The following SPAG16 variants were observed in gnomAD, a reference collection of about 807,000 sequenced individuals.
SPAG16 encodes the protein sperm associated antigen 16.
SPAG16 carries 86 observed loss-of-function variants against 80.4 expected under a neutral mutation model. The ratio of observed to expected loss-of-function variants is 1.07; its 90% CI spans 0.90 to 1.28. The LOEUF (loss-of-function observed/expected upper bound fraction) is 1.28, where lower values mean the gene tolerates loss of function less well. Ranked by LOEUF, SPAG16 falls within the 50% of genes most tolerant of loss-of-function variation. SPAG16 has a pLI of 0.00. For synonymous variants in SPAG16, 294 were observed against 265.9 expected (o/e 1.11, Z -1.03); for missense variants, 870 against 765.3 (o/e 1.14, Z -1.61).
chr2:213,930,221 T>G (rs1457759930), intron 12 of SPAG16, 76 bp downstream of exon 12: 2 of 1,171,386 alleles, frequency 1.7e-6, no homozygotes, highest in Admixed American at 5.7e-5. Context: ...GTTCTTTTTT[T>G]TTTTTCCTTG....
At chr2:213,942,184 A>G (rs930422670) in intron 12 of SPAG16, among the ~76,000 whole-genome samples, 1 of 152,108 alleles carries the variant, frequency 6.6e-6, no homozygotes, top group Non-Finnish European at 1.5e-5. Context: ...GGTTAAACCT[A>G]ATTCTCTGCC....
intron 10 of SPAG16, among the ~76,000 whole-genome samples, chr2:213,763,792 C>T (rs1365306367): frequency 6.6e-6 from 1 of 152,166 alleles, no homozygotes; most frequent in Non-Finnish European, 1.5e-5. Context: ...GGATGACCGT[C>T]TTGCTCTCAT....
At chr2:213,395,767 A>T (rs975469886) in intron 9 of SPAG16, among the ~76,000 whole-genome samples, 6 of 151,862 alleles carry the variant, frequency 4.0e-5, no homozygotes, top group Non-Finnish European at 8.8e-5. Flanking sequence ...TTTAGTTACC[A>T]GGGAAGAATG....
chr2:213,292,341 T>C (rs1031970181), intron 1 of SPAG16, among the ~76,000 whole-genome samples: 1 of 152,186 alleles, frequency 6.6e-6, no homozygotes, highest in African/African-American at 2.4e-5. Flanking sequence ...TTCCTCTAGC[T>C]GAACCTTCGG....
intron 15 of SPAG16, among the ~76,000 whole-genome samples, chr2:214,375,834 C>T (rs1008423335): frequency 2.8e-4 from 42 of 152,106 alleles, no homozygotes; most frequent in African/African-American, 9.9e-4. Context: ...ACAGTGGTTA[C>T]CTCTGGAATG....
chr2:213,916,317 C>T (rs1381180075), intron 11 of SPAG16, among the ~76,000 whole-genome samples: 1 of 152,158 alleles, frequency 6.6e-6, no homozygotes, highest in Non-Finnish European at 1.5e-5. Flanking sequence ...GATCCAGTTT[C>T]ACTTCTCTGC....
At chr2:213,540,028 A>AGTTTTTTTT (rs1559234806) in intron 10 of SPAG16, among the ~76,000 whole-genome samples, 1 of 130,520 alleles carries the variant, frequency 7.7e-6, no homozygotes, top group African/African-American at 2.7e-5. Context: ...TATATTTCTT[A>AGTTTTTTTT]ATTTTTTTTT....
intron 9 of SPAG16, among the ~76,000 whole-genome samples, chr2:213,412,539 A>G (rs2069033119): frequency 6.6e-6 from 1 of 152,246 alleles, no homozygotes; most frequent in Admixed American, 6.5e-5. Context: ...GTTGGTCCTC[A>G]ATAAATCCTA....
intron 15 of SPAG16, among the ~76,000 whole-genome samples, chr2:214,381,544 T>G (rs758196835): frequency 1.2e-4 from 19 of 152,210 alleles, no homozygotes; most frequent in Non-Finnish European, 2.8e-4. Context: ...TTTGGCAAAG[T>G]TTGGAATATA....
intron 10 of SPAG16, among the ~76,000 whole-genome samples, chr2:213,648,601 C>T (rs1165592263): frequency 2.0e-5 from 3 of 151,962 alleles, no homozygotes; most frequent in Admixed American, 1.3e-4. Flanking sequence ...CACAGACACA[C>T]ACACACACAC....
intron 12 of SPAG16, among the ~76,000 whole-genome samples, chr2:213,959,009 G>A (rs1298173166): frequency 1.3e-5 from 2 of 152,114 alleles, no homozygotes; most frequent in Non-Finnish European, 2.9e-5. Context: ...ATTTTGAAGG[G>A]TATTTTTGGG....
intron 6 of SPAG16, among the ~76,000 whole-genome samples, chr2:213,347,333 T>C (rs2065056999): frequency 6.6e-6 from 1 of 152,096 alleles, no homozygotes; most frequent in Non-Finnish European, 1.5e-5. Flanking sequence ...TTTCAAAAAA[T>C]CAGCTCCTGG....
At chr2:214,364,034 A>C (rs939131365) in intron 15 of SPAG16, among the ~76,000 whole-genome samples, 2 of 151,992 alleles carry the variant, frequency 1.3e-5, no homozygotes, top group Non-Finnish European at 2.9e-5. Context: ...AGTATTCTCT[A>C]ATTTGACTAA....
intron 9 of SPAG16, among the ~76,000 whole-genome samples, chr2:213,450,139 T>C (rs1351597736): frequency 3.9e-5 from 6 of 152,090 alleles, no homozygotes; most frequent in Non-Finnish European, 8.8e-5. Flanking sequence ...ACACTGTCTG[T>C]ACTAAAAATA....
chr2:213,886,638 G>A (rs1447296966), intron 11 of SPAG16, among the ~76,000 whole-genome samples: 2 of 151,938 alleles, frequency 1.3e-5, no homozygotes, highest in East Asian at 3.9e-4. Flanking sequence ...AATATGAGAG[G>A]AGTGCCAACA....
chr2:213,537,834 C>T (rs1252286124), intron 10 of SPAG16, among the ~76,000 whole-genome samples: 1 of 152,160 alleles, frequency 6.6e-6, no homozygotes, highest in Non-Finnish European at 1.5e-5. Flanking sequence ...GTTATGTTTG[C>T]TTGAGTGTTT....
In SPAG16 at chr2:213,446,714, C is replaced by T. The variant is rs772171628; in HGVS notation, c.943-43249C>T. Among the ~76,000 whole-genome samples, 6 of 152,254 alleles carry T rather than the reference C, an allele frequency of 3.9e-5. No homozygotes were observed. In the South Asian group the frequency reaches 6.2e-4, roughly 16 times the overall value. On this transcript the variant is annotated intron_variant, in intron 9 of 15. Transcript: ENST00000331683. ...CCTCTCACCTGGATGGATGCTCCTGCGGAAATCTATACTAACGATAGTGTG... is the reference window on the plus strand; with the variant it reads ...CCTCTCACCTGGATGGATGCTCCTGTGGAAATCTATACTAACGATAGTGTG...
intron 9 of SPAG16, among the ~76,000 whole-genome samples, chr2:213,431,062 A>C (rs947823121): frequency 2.6e-5 from 4 of 152,238 alleles, no homozygotes; most frequent in Non-Finnish European, 5.9e-5. Flanking sequence ...AGAAATGCTC[A>C]AATGAGTTCT....
chr2:213,583,128 A>T lies in SPAG16; in HGVS notation c.1070+93038A>T, dbSNP rs890149754. 7.9e-5 allele frequency among the ~76,000 whole-genome samples: 12 copies of T among 152,164 alleles called. 1 individual carries two copies. Among genetic ancestry groups the T allele is most frequent in the Non-Finnish European group, 1.5e-4 (10 of 68,016 alleles). ...ATAAAGTAGAGCATCTTAAAAGAAA[A>T]AGTATATATAGTATATTGATGTATA... On this transcript the variant is annotated intron_variant, in intron 10 of 15. Transcript: ENST00000331683.
Sources: gnomAD v4.1 joint callset for allele counts (sites outside exome capture counted in the v4.1 genomes callset) on GRCh38, gnomAD v4.1.1 for gene constraint, MANE v1.5 for transcripts, NCBI Gene and HGNC (gene_info 2026-07-23, HGNC 2026-07-21) for gene names.